The following COL15A1 variants were observed in gnomAD, a reference collection of about 807,000 sequenced individuals.
The protein encoded by COL15A1 is collagen type XV alpha 1 chain.
Under a neutral mutation model 165.9 loss-of-function variants are expected in COL15A1, and 111 were observed. The ratio of observed to expected loss-of-function variants is 0.67; its 90% CI spans 0.57 to 0.78. The LOEUF is 0.78. COL15A1 is among the 30% of genes least tolerant of loss of function. The pLI is 0.00. For missense variants in COL15A1, 1,745 were observed against 1,789.7 expected (o/e 0.98, Z 0.45); for synonymous variants, 659 against 674.8 (o/e 0.98, Z 0.36).
chr9:98,971,708 G>T (rs1260097697), intron 2 of COL15A1, among the ~76,000 whole-genome samples: 2 of 152,256 alleles, frequency 1.3e-5, no homozygotes, highest in South Asian at 4.1e-4. Flanking sequence ...TTGCACTGCG[G>T]CTAACTGCTG....
At chr9:99,015,882 A>C in intron 10 of COL15A1, 94 bp from the exon 11 acceptor site, 14 of 1,477,160 alleles carry the variant, frequency 9.5e-6, no homozygotes, top group African/African-American at 1.4e-5. Context: ...ACGTGCTTTG[A>C]AACTGGGCTG....
chr9:99,061,608 G>A (rs537236764), intron 36 of COL15A1, among the ~76,000 whole-genome samples: 1 of 152,236 alleles, frequency 6.6e-6, no homozygotes, highest in South Asian at 2.1e-4. Flanking sequence ...GTGCCACCAA[G>A]TAGCTTAAAA....
At chr9:99,024,739 C>T in intron 14 of COL15A1, 135 bp from the exon 15 acceptor site, 2 of 956,118 alleles carry the variant, frequency 2.1e-6, no homozygotes, top group Non-Finnish European at 1.5e-6. Flanking sequence ...GCCTTATTTT[C>T]CGCATCTGCT....
chr9:98,989,330 C>T, intron 5 of COL15A1, 72 bp downstream of exon 5: 1 of 1,259,650 alleles, frequency 7.9e-7, no homozygotes, highest in Non-Finnish European at 1.1e-6. Context: ...AGAGGGGGCC[C>T]AGAGTCCTGG....
chr9:99,064,661 C>A (rs955013490), intron 39 of COL15A1, among the ~76,000 whole-genome samples: 1 of 152,172 alleles, frequency 6.6e-6, no homozygotes, highest in African/African-American at 2.4e-5. Context: ...AGGAAGAAAG[C>A]AAGCCAAGCA....
intron 5 of COL15A1, among the ~76,000 whole-genome samples, chr9:98,992,209 G>A (rs1235005759): frequency 6.6e-6 from 1 of 152,266 alleles, no homozygotes; most frequent in African/African-American, 2.4e-5. Context: ...CACTGCCAGG[G>A]GGCTCGGGCA....
intron 8 of COL15A1, 114 bp from the exon 9 acceptor site, chr9:99,004,784 G>C (rs1156990856): frequency 1.7e-6 from 2 of 1,152,668 alleles, no homozygotes; most frequent in Non-Finnish European, 2.6e-6. Flanking sequence ...TCCATGTGAA[G>C]TGAGGTCTTG....
At position 99,044,766 on chromosome 9, in the gene COL15A1, C is replaced by T. The variant is rs1290288390; in HGVS notation, c.2675C>T (p.Pro892Leu). ...GEPGMHGAPGPMGPKGPPGHK... is the reference protein window; with the variant it reads ...GEPGMHGAPGLMGPKGPPGHK... Reference sequence around the variant, plus strand: ...CCTGGAATGCATGGAGCCCCAGGACCAATGGTAAGTCAGAGCGTCTCTCAG... The same window carrying T: ...CCTGGAATGCATGGAGCCCCAGGACTAATGGTAAGTCAGAGCGTCTCTCAG... The change falls in exon 26 of 42, where the codon CCA becomes CTA. Residue 892 changes from proline (P) to leucine (L), a missense_variant. Pro to Leu is a moderately conservative substitution (Grantham distance 98, BLOSUM62 -3). Transcript: ENST00000375001. The T allele has an allele frequency of 2.5e-6, 4 of 1,613,058 alleles. No individual in the cohort carries two copies. In the African/African-American group the frequency reaches 5.3e-5, roughly 22 times the overall value.
intron 2 of COL15A1, among the ~76,000 whole-genome samples, chr9:98,956,959 G>T (rs781206852): frequency 3.3e-5 from 5 of 152,196 alleles, no homozygotes; most frequent in Non-Finnish European, 7.3e-5. Context: ...AAAACCCTTT[G>T]CCATCTTCCC....
At chr9:99,008,114 G>C (rs1028053974) in intron 9 of COL15A1, among the ~76,000 whole-genome samples, 2 of 152,000 alleles carry the variant, frequency 1.3e-5, no homozygotes, top group African/African-American at 2.4e-5. Flanking sequence ...TGCCATATAG[G>C]CTCCTCTTTT....
intron 2 of COL15A1, among the ~76,000 whole-genome samples, chr9:98,964,741 A>G (rs1291443223): frequency 6.6e-5 from 10 of 152,084 alleles, no homozygotes; most frequent in Non-Finnish European, 1.3e-4. Context: ...AGTGGGGGGA[A>G]TACAACATGC....
At chr9:99,018,715 G>T (rs550685181) in intron 11 of COL15A1, among the ~76,000 whole-genome samples, 2 of 152,190 alleles carry the variant, frequency 1.3e-5, no homozygotes, top group Non-Finnish European at 2.9e-5. Flanking sequence ...AATATTTAAT[G>T]ATGGGGGAAA....
chr9:99,018,078 T>C (rs1242784783), intron 11 of COL15A1, among the ~76,000 whole-genome samples: 1 of 152,126 alleles, frequency 6.6e-6, no homozygotes, highest in Non-Finnish European at 1.5e-5. Context: ...GCTGATAGAG[T>C]GATCTGGTAC....
At chr9:98,948,920 C>T (rs1173269136) in intron 2 of COL15A1, among the ~76,000 whole-genome samples, 4 of 152,200 alleles carry the variant, frequency 2.6e-5, no homozygotes, top group Non-Finnish European at 5.9e-5. Flanking sequence ...AATCTTGTAT[C>T]ACAGAGCAAA....
Position 99,022,116 on chromosome 9 carries a change from G to A in COL15A1, c.1727G>A (p.Gly576Asp). 6.2e-7 allele frequency: 1 copy of A among 1,614,082 alleles called. No individual in the cohort carries two copies. The highest frequency in any genetic ancestry group is 8.5e-7 in the Non-Finnish European group (1 of 1,179,994). The part of the protein sequence containing the change: ...EKGDAGEELP[G>D]PPEPSGPVGP... ...GGTGATGCTGGGGAGGAGCTTCCTG[G>A]CCCTCCTGAACCTTCTGGGCCTGTT... Residue 576 changes from glycine (G) to aspartate (D), a missense_variant, in exon 13 of 42, where the codon GGC becomes GAC. Transcript: ENST00000375001.
chr9:99,008,957 G>A (rs911855846), intron 9 of COL15A1, among the ~76,000 whole-genome samples: 1 of 152,126 alleles, frequency 6.6e-6, no homozygotes, highest in Non-Finnish European at 1.5e-5. Flanking sequence ...AGTTTTCTTG[G>A]CTCCGATAAA....
chr9:98,953,928 A>G (rs1251483447), intron 2 of COL15A1, among the ~76,000 whole-genome samples: 1 of 152,220 alleles, frequency 6.6e-6, no homozygotes, highest in Non-Finnish European at 1.5e-5. Context: ...TCTCTTACAG[A>G]TGTCTGTCTT....
At chr9:98,974,723 T>C (rs909682583) in intron 2 of COL15A1, among the ~76,000 whole-genome samples, 3 of 152,326 alleles carry the variant, frequency 2.0e-5, no homozygotes, top group Middle Eastern at 3.4e-3. Context: ...TAGGGTCATC[T>C]GGACCCCCTC....
chr9:99,045,803 A>G (rs910993985), intron 26 of COL15A1, among the ~76,000 whole-genome samples: 5 of 152,242 alleles, frequency 3.3e-5, no homozygotes, highest in Non-Finnish European at 7.3e-5. Flanking sequence ...AACATTTGAA[A>G]CATTGAACAT....
Sources: allele counts gnomAD v4.1 joint callset (sites outside exome capture counted in the v4.1 genomes callset), GRCh38; gene constraint gnomAD v4.1.1; transcripts MANE v1.5; gene names NCBI Gene and HGNC (gene_info 2026-07-23, HGNC 2026-07-21).